CDH12: variants seen among roughly 807,000 people sequenced by gnomAD.
CDH12 encodes the protein cadherin 12.
Under a neutral mutation model 74.1 loss-of-function variants are expected in CDH12, and 41 were observed. The observed-to-expected ratio is 0.55, with a 90% confidence interval of 0.43 to 0.72. The LOEUF (loss-of-function observed/expected upper bound fraction) is 0.72, where lower values mean the gene tolerates loss of function less well. CDH12 is among the 30% of genes least tolerant of loss of function. CDH12 has a pLI of 0.00. For missense variants in CDH12, 945 were observed against 977.2 expected (o/e 0.97, Z 0.44); for synonymous variants, 399 against 355.0 (o/e 1.12, Z -1.39).
chr5:22,078,639 ACC>A lies in CDH12; in HGVS notation c.36_37del (p.Trp12CysfsTer4), dbSNP rs1213459714. On this transcript the variant is annotated frameshift_variant, in exon 5 of 15. Coordinates refer to ENST00000382254, the MANE Select transcript of CDH12 (RefSeq NM_004061.5). LOFTEE classifies it high-confidence loss of function. Reference sequence around the variant, plus strand: ...TGTTAGGAGACCTCCATCAAACAGAACCCAGAGAAGCAGGGATAAACAGTTCC... The same window carrying A: ...TGTTAGGAGACCTCCATCAAACAGAACAGAGAAGCAGGGATAAACAGTTCC... 1.2e-6 allele frequency: 2 copies of A among 1,613,824 alleles called. No individual in the cohort carries two copies. The highest frequency in any genetic ancestry group is 8.5e-7 in the Non-Finnish European group (1 of 1,179,818).
chr5:21,765,518 C>T (rs1409415676), intron 11 of CDH12, among the ~76,000 whole-genome samples: 1 of 149,430 alleles, frequency 6.7e-6, no homozygotes, highest in Non-Finnish European at 1.5e-5. Context: ...CTAGGAGATT[C>T]CTCCTGAAAA....
intron 1 of CDH12, among the ~76,000 whole-genome samples, chr5:22,521,195 G>A (rs1272899921): frequency 6.6e-6 from 1 of 151,658 alleles, no homozygotes; most frequent in Non-Finnish European, 1.5e-5. Flanking sequence ...GTAACTTAAT[G>A]GGCAATTGGA....
chr5:22,416,820 A>T (rs1743412426), intron 2 of CDH12, among the ~76,000 whole-genome samples: 1 of 152,236 alleles, frequency 6.6e-6, no homozygotes, highest in African/African-American at 2.4e-5. Flanking sequence ...AAATTGAAAG[A>T]GACTAAGTTT....
chr5:22,148,922 C>A (rs1272942893), intron 4 of CDH12, among the ~76,000 whole-genome samples: 2 of 152,250 alleles, frequency 1.3e-5, no homozygotes, highest in East Asian at 1.9e-4. Context: ...AGTTTAAGAC[C>A]AAACTGGCCA....
chr5:22,457,786 C>T (rs1394417697), intron 2 of CDH12, among the ~76,000 whole-genome samples: 3 of 152,004 alleles, frequency 2.0e-5, no homozygotes, highest in South Asian at 2.1e-4. Flanking sequence ...GCTCTGTCAC[C>T]CAGGCTGGAG....
intron 3 of CDH12, among the ~76,000 whole-genome samples, chr5:22,368,617 T>C (rs934316941): frequency 6.6e-6 from 1 of 152,168 alleles, no homozygotes; most frequent in African/African-American, 2.4e-5. Context: ...TATTTAGTTT[T>C]AATTTCACAA....
At chr5:22,117,034 T>C (rs1745159511) in intron 4 of CDH12, among the ~76,000 whole-genome samples, 1 of 151,470 alleles carries the variant, frequency 6.6e-6, no homozygotes, top group South Asian at 2.1e-4. Context: ...TATGGTAGAG[T>C]GACAAATAGG....
At chr5:22,360,251 C>G (rs202214311) in intron 3 of CDH12, among the ~76,000 whole-genome samples, 1 of 152,048 alleles carries the variant, frequency 6.6e-6, no homozygotes. Flanking sequence ...AAGGGGATAT[C>G]ACCACCGATC....
chr5:22,366,108 G>A (rs955628162), intron 3 of CDH12, among the ~76,000 whole-genome samples: 4 of 151,830 alleles, frequency 2.6e-5, no homozygotes, highest in Non-Finnish European at 5.9e-5. Context: ...ACAGGCGCCC[G>A]CCACCATGCC....
At chr5:21,934,837 A>C (rs976309534) in intron 6 of CDH12, among the ~76,000 whole-genome samples, 1 of 151,428 alleles carries the variant, frequency 6.6e-6, no homozygotes, top group Non-Finnish European at 1.5e-5. Flanking sequence ...CCCAGGCTGG[A>C]GTGCAGTGGC....
At chr5:22,768,398 G>A (rs1199307748) in intron 1 of CDH12, among the ~76,000 whole-genome samples, 1 of 152,000 alleles carries the variant, frequency 6.6e-6, no homozygotes, top group Non-Finnish European at 1.5e-5. Flanking sequence ...TCCAGGAACT[G>A]AGCCAAGACA....
At position 22,698,725 on chromosome 5, in the gene CDH12, ATATATATATAGT is replaced by A. The variant is rs1742543467; in HGVS notation, c.-523+154321_-523+154332del. On this transcript the variant is annotated intron_variant, in intron 1 of 14. Coordinates refer to ENST00000382254, the MANE Select transcript of CDH12 (RefSeq NM_004061.5). ...TATATATATATATATATATATATAT[ATATATATATAGT>A]GTGTGTGTGTGTGTGTGTGTGTGTG... 9.9e-4 allele frequency among the ~76,000 whole-genome samples: 11 copies of A among 11,070 alleles called. 1 individual carries two copies. The highest frequency in any genetic ancestry group is 1.4e-3 in the African/African-American group (4 of 2,906). The allele number at this position is 11,070 out of a possible 152,430, so 7.3% of individuals were successfully genotyped here. A position where few individuals can be genotyped will look rare whatever the true frequency, so the allele number is the denominator to read the frequency against.
intron 1 of CDH12, among the ~76,000 whole-genome samples, chr5:22,819,432 T>C (rs1195872923): frequency 6.6e-6 from 1 of 152,118 alleles, no homozygotes; most frequent in Non-Finnish European, 1.5e-5. Flanking sequence ...TATTTCTACC[T>C]AAAGTAAAGT....
At chr5:22,192,125 G>A (rs946541203) in intron 4 of CDH12, among the ~76,000 whole-genome samples, 1 of 151,922 alleles carries the variant, frequency 6.6e-6, no homozygotes, top group African/African-American at 2.4e-5. Flanking sequence ...GTAGAGACAA[G>A]GCTTCACCAT....
intron 1 of CDH12, among the ~76,000 whole-genome samples, chr5:22,661,653 C>A (rs553949050): frequency 3.9e-5 from 6 of 152,004 alleles, no homozygotes; most frequent in Non-Finnish European, 8.8e-5. Flanking sequence ...TTTACATATG[C>A]CCTAGTCATC....
intron 4 of CDH12, among the ~76,000 whole-genome samples, chr5:22,175,545 G>A (rs1749283174): frequency 6.6e-6 from 1 of 151,808 alleles, no homozygotes; most frequent in African/African-American, 2.4e-5. Flanking sequence ...AGTATCAGAA[G>A]GAAATGTAAA....
intron 1 of CDH12, among the ~76,000 whole-genome samples, chr5:22,767,525 G>A (rs1436642537): frequency 2.6e-5 from 4 of 151,672 alleles, no homozygotes; most frequent in Non-Finnish European, 4.4e-5. Flanking sequence ...GTCATAACAG[G>A]GCTTTTTTTT....
At chr5:22,696,606 T>C (rs1742377776) in intron 1 of CDH12, among the ~76,000 whole-genome samples, 1 of 152,186 alleles carries the variant, frequency 6.6e-6, no homozygotes, top group Non-Finnish European at 1.5e-5. Flanking sequence ...AGAATATTGC[T>C]CAGTGGGTGT....
At chr5:21,829,516 T>G (rs1748886051) in intron 8 of CDH12, among the ~76,000 whole-genome samples, 1 of 152,254 alleles carries the variant, frequency 6.6e-6, no homozygotes, top group Non-Finnish European at 1.5e-5. Flanking sequence ...ATATTTCTTA[T>G]GTACCAAGTC....
Sources: gnomAD v4.1 joint callset for allele counts (sites outside exome capture counted in the v4.1 genomes callset) on GRCh38, gnomAD v4.1.1 for gene constraint, MANE v1.5 for transcripts, NCBI Gene and HGNC (gene_info 2026-07-23, HGNC 2026-07-21) for gene names.